Variants in BRD8 observed in about 807,000 individuals in gnomAD.
The protein encoded by BRD8 is bromodomain containing 8.
Under a neutral mutation model 143.1 loss-of-function variants are expected in BRD8, and 67 were observed. That is an observed-to-expected ratio of 0.47 (90% CI 0.38 to 0.57). The LOEUF is 0.57. BRD8 is among the 20% of genes least tolerant of loss of function. The pLI is 0.00. For synonymous variants in BRD8, 505 were observed against 517.1 expected (o/e 0.98, Z 0.32); for missense variants, 1,103 against 1,503.0 (o/e 0.73, Z 4.40).
At chr5:138,144,779 G>A (rs1752069356) in intron 25 of BRD8, among the ~76,000 whole-genome samples, 1 of 151,380 alleles carries the variant, frequency 6.6e-6, no homozygotes, top group African/African-American at 2.4e-5. Flanking sequence ...GCTCATGCTT[G>A]TAGTCTTAGC....
chr5:138,173,837 C>T (rs1754086412), intron 2 of BRD8, among the ~76,000 whole-genome samples: 1 of 152,190 alleles, frequency 6.6e-6, no homozygotes, highest in Non-Finnish European at 1.5e-5. Flanking sequence ...CACACACCAC[C>T]AGACCTGGCT....
intron 23 of BRD8, among the ~76,000 whole-genome samples, chr5:138,148,159 GAAAAA>G (rs764280222): frequency 1.4e-5 from 1 of 73,654 alleles, no homozygotes; most frequent in African/African-American, 5.7e-5. Flanking sequence ...TGATGAGCTG[GAAAAA>G]AAAAAAAAAA....
chr5:138,145,767 T>G (rs1752123630), intron 24 of BRD8, 22 bp downstream of exon 24: 3 of 1,595,414 alleles, frequency 1.9e-6, no homozygotes, highest in Non-Finnish European at 2.6e-6. Context: ...AACATAATCC[T>G]ATTACCACTT....
Position 138,150,732 on chromosome 5 carries a change from G to C in BRD8, c.3120+13C>G. On this transcript the variant is annotated intron_variant, in intron 22 of 26. Coordinates refer to ENST00000254900, the MANE Select transcript of BRD8 (RefSeq NM_139199.2). ...AAGACCAACAAGACAGCTGATTTAA[G>C]TTACTTTCTTACCTCTTCACTCTCT... 1 of 1,592,252 alleles carries C rather than the reference G, an allele frequency of 6.3e-7. No individual in the cohort carries two copies.
At chr5:138,174,364 G>A (rs1249762961) in intron 2 of BRD8, among the ~76,000 whole-genome samples, 1 of 152,112 alleles carries the variant, frequency 6.6e-6, no homozygotes, top group Non-Finnish European at 1.5e-5. Context: ...GGAGGCCGAG[G>A]CAGGTGGATC....
chr5:138,161,590 G>A (rs921107259), intron 17 of BRD8, among the ~76,000 whole-genome samples: 2 of 152,192 alleles, frequency 1.3e-5, no homozygotes, highest in African/African-American at 2.4e-5. Flanking sequence ...GATTACAGGC[G>A]TGAGCCACCG....
chr5:138,146,949 G>A (rs964883740), intron 23 of BRD8, among the ~76,000 whole-genome samples: 16 of 135,026 alleles, frequency 1.2e-4, no homozygotes, highest in Non-Finnish European at 2.3e-4. Context: ...CAGCCTGGGC[G>A]ACCGAGCGAA....
At chr5:138,156,863 CACACAG>C in intron 20 of BRD8, 12 of 1,065,144 alleles carry the variant, frequency 1.1e-5, no homozygotes, top group Non-Finnish European at 1.4e-5. Context: ...CACACACACA[CACACAG>C]AACAAGCCAA....
intron 20 of BRD8, chr5:138,157,127 C>G: frequency 1.3e-6 from 2 of 1,597,964 alleles, no homozygotes; most frequent in Non-Finnish European, 1.7e-6. Context: ...ACTTCCACCT[C>G]TGGAACTGGG....
chr5:138,154,928 C>A (rs1290552673), intron 20 of BRD8, among the ~76,000 whole-genome samples: 1 of 151,020 alleles, frequency 6.6e-6, no homozygotes, highest in African/African-American at 2.4e-5. Flanking sequence ...CTCCCAGGCT[C>A]AAGCACTTCT....
intron 10 of BRD8, 73 bp from the exon 11 acceptor site, chr5:138,166,181 C>G (rs1753406635): frequency 4.9e-6 from 5 of 1,030,636 alleles, no homozygotes; most frequent in Non-Finnish European, 7.2e-6. Flanking sequence ...ATCACATAAG[C>G]GCTACAGACA....
At chr5:138,148,083 C>T (rs935566150) in intron 23 of BRD8, among the ~76,000 whole-genome samples, 2 of 150,236 alleles carry the variant, frequency 1.3e-5, no homozygotes, top group Admixed American at 1.3e-4. Flanking sequence ...TTTTGGCTTC[C>T]CTGGGCCACA....
chr5:138,178,528 A>T (rs1754550385), intron 1 of BRD8, 68 bp downstream of exon 1: 1 of 1,436,104 alleles, frequency 7.0e-7, no homozygotes, highest in Non-Finnish European at 9.8e-7. Context: ...CTAAGCGTGT[A>T]ACAAAAATAT....
In BRD8 at chr5:138,164,996, C is replaced by T. The variant is rs757977956; in HGVS notation, c.1449G>A (p.Glu483=). The part of the protein sequence containing the change: ...LPAPEMTVKQ[E]RLDFEETENK... Reference sequence around the variant, plus strand: ...TTTCCGTTTCCTCAAAGTCCAGTCTCTCTTGCTTGACCGTCATTTCTGGTG... The same window carrying T: ...TTTCCGTTTCCTCAAAGTCCAGTCTTTCTTGCTTGACCGTCATTTCTGGTG... Residue 483 remains glutamate (E), a synonymous_variant, in exon 12 of 27, where the codon GAG becomes GAA. Transcript: ENST00000254900. The T allele has an allele frequency of 2.5e-6, 4 of 1,614,212 alleles. No individual in the cohort carries two copies. Among genetic ancestry groups the T allele is most frequent in the Admixed American group, 1.7e-5 (1 of 60,010 alleles).
Position 138,139,947 on chromosome 5 carries a change from T to G in BRD8, c.*127A>C. 4.3e-6 allele frequency: 3 copies of G among 696,854 alleles called. No homozygotes were observed. Among genetic ancestry groups the G allele is most frequent in the Non-Finnish European group, 4.9e-6 (2 of 408,150 alleles). 43.2% of individuals were successfully genotyped at this position (696,854 alleles called of 1,614,324 possible). The stretch of plus-strand genomic sequence containing the variant: ...ACATGCATCTTTGACTCGTTGGTTG[T>G]GAGTTAAGGTATTATTCTTGTTGGA... On this transcript the variant is annotated 3_prime_UTR_variant, in exon 27 of 27. Coordinates refer to ENST00000254900, the MANE Select transcript of BRD8 (RefSeq NM_139199.2).
chr5:138,147,440 AC>A (rs1485773014), intron 23 of BRD8, among the ~76,000 whole-genome samples: 17 of 151,950 alleles, frequency 1.1e-4, no homozygotes, highest in Non-Finnish European at 4.4e-5. Context: ...GAAAAAAAAA[AC>A]AGTTCATACT....
Position 138,140,702 on chromosome 5 carries a change from T to A in BRD8, c.3615+3A>T, listed in dbSNP as rs1482578490. 1 of 1,613,382 alleles carries A rather than the reference T, an allele frequency of 6.2e-7. No homozygotes were observed. The highest frequency in any genetic ancestry group is 8.5e-7 in the Non-Finnish European group (1 of 1,179,400). ...AGAGGCTACAGGTATCTGCATACAG[T>A]ACCTGAATCTGCTCCAGGACTTCTT... On this transcript the variant is annotated splice_donor_region_variant and intron_variant, in intron 26 of 26. Transcript: ENST00000254900.
intron 12 of BRD8, 128 bp from the exon 13 acceptor site, chr5:138,164,541 T>A (rs1753244808): frequency 8.9e-7 from 1 of 1,124,782 alleles, no homozygotes; most frequent in Admixed American, 2.2e-5. Flanking sequence ...GTGACTCCAA[T>A]GGTCACCTTA....
chr5:138,160,036 A>G (rs1561606749), intron 19 of BRD8, 33 bp downstream of exon 19: 1 of 1,532,356 alleles, frequency 6.5e-7, no homozygotes, highest in Admixed American at 1.7e-5. Flanking sequence ...CTACTGGAAC[A>G]CTGGCACACA....
Sources: gnomAD v4.1 joint callset for allele counts (sites outside exome capture counted in the v4.1 genomes callset) on GRCh38, gnomAD v4.1.1 for gene constraint, MANE v1.5 for transcripts, NCBI Gene and HGNC (gene_info 2026-07-23, HGNC 2026-07-21) for gene names.